The following CCDC85A variants were observed in gnomAD, a reference collection of about 807,000 sequenced individuals.
CCDC85A encodes the protein coiled-coil domain containing 85A.
CCDC85A carries 38 observed loss-of-function variants against 50.2 expected under a neutral mutation model. The observed-to-expected ratio is 0.76, with a 90% confidence interval of 0.58 to 0.99. The LOEUF (loss-of-function observed/expected upper bound fraction) is 0.99, where lower values mean the gene tolerates loss of function less well. Ranked by LOEUF, CCDC85A falls within the 50% of genes least tolerant of loss-of-function variation. The pLI is 0.00. For missense variants in CCDC85A, 820 were observed against 742.0 expected (o/e 1.11, Z -1.22); for synonymous variants, 366 against 301.4 (o/e 1.21, Z -2.22).
chr2:56,187,757 G>A (rs547879710), intron 1 of CCDC85A, among the ~76,000 whole-genome samples: 11 of 152,300 alleles, frequency 7.2e-5, no homozygotes, highest in African/African-American at 2.6e-4. Context: ...GGTCCTGGAA[G>A]GGGTGGATGA....
intron 2 of CCDC85A, among the ~76,000 whole-genome samples, chr2:56,243,758 G>A (rs72803010): frequency 0.02 from 3,016 of 152,246 alleles, 52 homozygotes; most frequent in South Asian, 0.046. Context: ...GTCTGGACTT[G>A]TTTGTACCTA....
intron 2 of CCDC85A, among the ~76,000 whole-genome samples, chr2:56,322,454 TCAAA>T (rs1249293088): frequency 6.6e-6 from 1 of 151,640 alleles, no homozygotes; most frequent in Non-Finnish European, 1.5e-5. Flanking sequence ...CAAGAAAAAA[TCAAA>T]CAACCCCATT....
At chr2:56,330,419 T>G (rs879765847) in intron 2 of CCDC85A, among the ~76,000 whole-genome samples, 2 of 152,180 alleles carry the variant, frequency 1.3e-5, no homozygotes, top group Non-Finnish European at 2.9e-5. Flanking sequence ...AGGTAGAAAT[T>G]TAACTGCATC....
intron 2 of CCDC85A, among the ~76,000 whole-genome samples, chr2:56,232,479 G>A (rs992408019): frequency 3.9e-5 from 6 of 151,996 alleles, no homozygotes; most frequent in Non-Finnish European, 5.9e-5. Context: ...TAAATCACAG[G>A]GGCAGTTTCC....
chr2:56,323,588 G>T (rs1402431383), intron 2 of CCDC85A, among the ~76,000 whole-genome samples: 2 of 152,044 alleles, frequency 1.3e-5, no homozygotes, highest in Non-Finnish European at 2.9e-5. Context: ...CTAAGCTTAT[G>T]TGGATTATTT....
chr2:56,294,904 A>G (rs1237869391), intron 2 of CCDC85A, among the ~76,000 whole-genome samples: 1 of 152,174 alleles, frequency 6.6e-6, no homozygotes, highest in Admixed American at 6.5e-5. Context: ...AATACCCAGG[A>G]TGGGTTGGTG....
intron 2 of CCDC85A, among the ~76,000 whole-genome samples, chr2:56,282,792 G>A (rs188544419): frequency 0.012 from 1,859 of 152,346 alleles, 37 homozygotes; most frequent in Non-Finnish European, 0.013. Flanking sequence ...TTACAGGCGT[G>A]AGCCACCATT....
At chr2:56,322,040 G>A (rs1673225726) in intron 2 of CCDC85A, among the ~76,000 whole-genome samples, 1 of 152,112 alleles carries the variant, frequency 6.6e-6, no homozygotes, top group African/African-American at 2.4e-5. Context: ...CAAGAAATGG[G>A]GAAAGGATTC....
rs1348346140 is a variant in CCDC85A, at chr2:56,184,686, C to T, written c.62C>T (p.Ala21Val). The T allele has an allele frequency of 6.6e-5, 101 of 1,520,774 alleles. No individual in the cohort carries two copies. The highest frequency in any genetic ancestry group is 8.5e-5 in the Non-Finnish European group (97 of 1,138,890). 94.2% of individuals were successfully genotyped at this position (1,520,774 alleles called of 1,614,324 possible). A position where few individuals can be genotyped will look rare whatever the true frequency, so the allele number is the denominator to read the frequency against. ...GCGGCGGCGGAAAGTTGTTCCCCAG[C>T]CCCGGCCGGCTCGTCCGCGGCCCCG... is the stretch of plus-strand genomic sequence containing the variant. ...AAAAAESCSP[A>V]PAGSSAAPPA... Residue 21 changes from alanine (A) to valine (V), a missense_variant, in exon 1 of 6, where the codon GCC (alanine) becomes GTC (valine). Coordinates refer to ENST00000407595, the MANE Select transcript of CCDC85A (RefSeq NM_001080433.2).
chr2:56,199,697 T>C (rs187304471), intron 2 of CCDC85A, among the ~76,000 whole-genome samples: 103 of 152,328 alleles, frequency 6.8e-4, no homozygotes, highest in African/African-American at 2.3e-3. Flanking sequence ...TAAATTCTTT[T>C]CTGCTGTTCC....
chr2:56,248,190 T>C (rs924605378), intron 2 of CCDC85A, among the ~76,000 whole-genome samples: 4 of 152,188 alleles, frequency 2.6e-5, no homozygotes, highest in Non-Finnish European at 5.9e-5. Context: ...CATAGAAACA[T>C]TGGCGCTAGA....
intron 2 of CCDC85A, among the ~76,000 whole-genome samples, chr2:56,318,772 T>C (rs1244501016): frequency 2.0e-5 from 3 of 152,104 alleles, no homozygotes; most frequent in African/African-American, 4.8e-5. Context: ...TTGTATTCAT[T>C]TGTATTTATC....
chr2:56,321,638 A>T (rs1673192956), intron 2 of CCDC85A, among the ~76,000 whole-genome samples: 1 of 152,192 alleles, frequency 6.6e-6, no homozygotes, highest in African/African-American at 2.4e-5. Flanking sequence ...CAGTGAAATG[A>T]AAGAGGACAC....
chr2:56,237,423 A>T (rs1669067561), intron 2 of CCDC85A, among the ~76,000 whole-genome samples: 1 of 152,226 alleles, frequency 6.6e-6, no homozygotes, highest in Non-Finnish European at 1.5e-5. Context: ...CATCATAGAG[A>T]TTCAGAAGAT....
intron 2 of CCDC85A, among the ~76,000 whole-genome samples, chr2:56,321,987 C>A (rs1032384451): frequency 2.6e-5 from 4 of 152,080 alleles, no homozygotes; most frequent in African/African-American, 9.7e-5. Context: ...GAAATAATAC[C>A]ACACATCTAC....
At chr2:56,213,434 C>G (rs900257438) in intron 2 of CCDC85A, among the ~76,000 whole-genome samples, 11 of 151,948 alleles carry the variant, frequency 7.2e-5, no homozygotes, top group African/African-American at 2.7e-4. Context: ...CTATTGTGAT[C>G]CACAATCTTG....
At chr2:56,294,423 C>A (rs937506892) in intron 2 of CCDC85A, among the ~76,000 whole-genome samples, 2 of 152,206 alleles carry the variant, frequency 1.3e-5, no homozygotes, top group Non-Finnish European at 2.9e-5. Flanking sequence ...GCGTCCTGCA[C>A]ATGTATACCA....
At chr2:56,348,244 T>C (rs537216182) in intron 3 of CCDC85A, among the ~76,000 whole-genome samples, 3 of 152,270 alleles carry the variant, frequency 2.0e-5, no homozygotes, top group African/African-American at 7.2e-5. Flanking sequence ...TATATATTCG[T>C]TGTGCTCAGA....
intron 2 of CCDC85A, among the ~76,000 whole-genome samples, chr2:56,266,947 C>T (rs540841437): frequency 6.6e-6 from 1 of 152,106 alleles, no homozygotes; most frequent in Non-Finnish European, 1.5e-5. Context: ...TGAGTAGCTG[C>T]CAGACCCATT....
Sources: gnomAD v4.1 joint callset for allele counts (sites outside exome capture counted in the v4.1 genomes callset) on GRCh38, gnomAD v4.1.1 for gene constraint, MANE v1.5 for transcripts, NCBI Gene and HGNC (gene_info 2026-07-23, HGNC 2026-07-21) for gene names.